Variants in SENP1 observed in about 807,000 individuals in gnomAD.
SENP1 encodes SUMO specific peptidase 1.
SENP1 carries 21 observed loss-of-function variants against 93.0 expected under a neutral mutation model. The ratio of observed to expected loss-of-function variants is 0.23; its 90% CI spans 0.16 to 0.33. SENP1 has a LOEUF of 0.33. SENP1 is among the 10% of genes least tolerant of loss of function. SENP1 has a pLI of 1.00. For missense variants in SENP1, 591 were observed against 758.7 expected, an observed-to-expected ratio of 0.78 and a Z score of 2.60; for synonymous variants, 256 against 259.6, an observed-to-expected ratio of 0.99 and a Z score of 0.13.
At chr12:48,047,808 A>G (rs984638385) in intron 15 of SENP1, among the ~76,000 whole-genome samples, 193 bp downstream of exon 15, 10 of 152,214 alleles carry the variant, frequency 6.6e-5, no homozygotes, top group African/African-American at 2.2e-4. Flanking sequence ...TTAGGATAGT[A>G]ATTGCTCCCA....
chr12:48,096,149 T>C (rs113701969), intron 4 of SENP1, among the ~76,000 whole-genome samples, 194 bp downstream of exon 4: 2,960 of 152,336 alleles, frequency 0.019, 74 homozygotes, highest in African/African-American at 0.049. Flanking sequence ...AACCAGTATT[T>C]GGATGAGACA....
intron 6 of SENP1, among the ~76,000 whole-genome samples, chr12:48,077,037 C>T (rs2137068489): frequency 6.6e-6 from 1 of 152,320 alleles, no homozygotes; most frequent in Non-Finnish European, 1.5e-5. Context: ...CATTTGTACC[C>T]AATGTTTAGC....
intron 1 of SENP1, among the ~76,000 whole-genome samples, chr12:48,104,290 G>T (rs1946269272): frequency 7.7e-6 from 1 of 130,310 alleles, no homozygotes; most frequent in African/African-American, 2.8e-5. Flanking sequence ...GAGGGAGAGA[G>T]AGAGAGAGAG....
At chr12:48,072,623 CAAACAA>C (rs765377422) in intron 8 of SENP1, among the ~76,000 whole-genome samples, 26 of 152,052 alleles carry the variant, frequency 1.7e-4, no homozygotes, top group East Asian at 3.9e-4. Flanking sequence ...GTCTCAAAAA[CAAACAA>C]AAACAAAAAC....
At chr12:48,105,297 G>A (rs553151021) in intron 1 of SENP1, 3 of 500,230 alleles carry the variant, frequency 6.0e-6, no homozygotes, top group South Asian at 1.4e-5. Context: ...ATACTGCACA[G>A]GCACCGATAA....
intron 9 of SENP1, among the ~76,000 whole-genome samples, chr12:48,068,507 T>C (rs1943446333): frequency 6.6e-6 from 1 of 152,130 alleles, no homozygotes; most frequent in Non-Finnish European, 1.5e-5. Context: ...TTCAAAAAGA[T>C]AATTTCTCTT....
chr12:48,085,406 C>A (rs1285019962), intron 5 of SENP1: 2 of 1,194,688 alleles, frequency 1.7e-6, no homozygotes, highest in Non-Finnish European at 1.2e-6. Context: ...TGTTCACTGC[C>A]GAAGACCTGT....
rs375333932 is a variant in SENP1, at chr12:48,057,487, C to A, written c.1407+6223G>T. On this transcript the variant is annotated intron_variant, in intron 13 of 17. Transcript: ENST00000549518. ...TCAGGTGATCCACCTGCCTCTGCCT[C>A]CCAAAGTGCTGGGATTACAGGTGTG... is the stretch of plus-strand genomic sequence containing the variant. 2.6e-4 allele frequency among the ~76,000 whole-genome samples: 38 copies of A among 148,742 alleles called. 1 individual carries two copies. The South Asian group carries it at 7.3e-3, about 29-fold the overall frequency.
In SENP1 at chr12:48,065,154, T is replaced by G; in HGVS notation, c.1186A>C (p.Lys396Gln). 1 of 1,608,690 alleles carries G rather than the reference T, an allele frequency of 6.2e-7. No individual in the cohort carries two copies. The highest frequency in any genetic ancestry group is 8.5e-7 in the Non-Finnish European group (1 of 1,175,204). ...VELHLRVPLE[K>Q]EIPVTVVQET... ...TGGACAACAGTAACAGGAATCTCCT[T>G]TTCAAGAGGTACACGAAGATGTAGT... Residue 396 changes from lysine to glutamine, a missense_variant, in exon 12 of 18, where the codon AAG becomes CAG. This residue lies in a region of SENP1 where 238 missense variants were observed against 259.1 expected (regional missense o/e 0.92). Transcript: ENST00000549518.
chr12:48,052,141 T>C (rs138396887), intron 13 of SENP1, among the ~76,000 whole-genome samples: 14 of 152,340 alleles, frequency 9.2e-5, no homozygotes, highest in African/African-American at 3.1e-4. Context: ...AAAAAGCTTT[T>C]CTTTCAGAGA....
At chr12:48,080,768 A>C (rs1456260444) in intron 6 of SENP1, among the ~76,000 whole-genome samples, 1 of 152,224 alleles carries the variant, frequency 6.6e-6, no homozygotes, top group Non-Finnish European at 1.5e-5. Flanking sequence ...TATATGGCTT[A>C]TTCTGTAAGC....
intron 6 of SENP1, among the ~76,000 whole-genome samples, chr12:48,075,206 C>T (rs778044812): frequency 1.0e-5 from 1 of 99,956 alleles, no homozygotes; most frequent in Non-Finnish European, 2.0e-5. Flanking sequence ...CAGAGCAAGA[C>T]TCTGTCTCAA....
chr12:48,078,182 T>C (rs1242257627), intron 6 of SENP1, among the ~76,000 whole-genome samples: 1 of 151,458 alleles, frequency 6.6e-6, no homozygotes, highest in Non-Finnish European at 1.5e-5. Flanking sequence ...TAAATGGGAT[T>C]GTTCTCTTGG....
intron 13 of SENP1, among the ~76,000 whole-genome samples, chr12:48,054,187 T>G (rs999385155): frequency 1.3e-5 from 2 of 152,182 alleles, no homozygotes; most frequent in African/African-American, 4.8e-5. Context: ...GATTTTCTAC[T>G]TATTCTATCC....
chr12:48,085,307 G>A (rs895884801), intron 5 of SENP1: 13 of 1,502,238 alleles, frequency 8.7e-6, no homozygotes, highest in Non-Finnish European at 1.1e-5. Flanking sequence ...ACACCCACCA[G>A]CACTCTATCC....
intron 6 of SENP1, among the ~76,000 whole-genome samples, chr12:48,082,178 C>T (rs1944539083): frequency 6.6e-6 from 1 of 152,180 alleles, no homozygotes; most frequent in Non-Finnish European, 1.5e-5. Flanking sequence ...CATGAGCCAC[C>T]ATGCCCGGCC....
chr12:48,084,593 C>T (rs998059891), intron 5 of SENP1, among the ~76,000 whole-genome samples: 9 of 151,862 alleles, frequency 5.9e-5, no homozygotes, highest in Non-Finnish European at 1.3e-4. Context: ...GGATTACAGG[C>T]ACCCGCCGCC....
At chr12:48,088,503 C>G (rs1945027822) in intron 5 of SENP1, 5 of 333,854 alleles carry the variant, frequency 1.5e-5, no homozygotes, top group Non-Finnish European at 2.7e-5. Flanking sequence ...TGGAGATTGA[C>G]TGATTTTCAC....
intron 13 of SENP1, among the ~76,000 whole-genome samples, chr12:48,051,464 C>G (rs1941806704): frequency 6.6e-6 from 1 of 152,196 alleles, no homozygotes; most frequent in Non-Finnish European, 1.5e-5. Context: ...GACCTCAATG[C>G]TCCCCACATT....
Sources: gnomAD v4.1 joint callset for allele counts (sites outside exome capture counted in the v4.1 genomes callset) on GRCh38, gnomAD v4.1.1 for gene constraint, gnomAD v4.1.1 regional missense constraint, MANE v1.5 for transcripts, NCBI Gene and HGNC (gene_info 2026-07-23, HGNC 2026-07-21) for gene names.